ASPH: variants seen among roughly 807,000 people sequenced by gnomAD.
ASPH encodes the protein aspartate beta-hydroxylase, also known as aspartyl/asparaginyl beta-hydroxylase.
Under a neutral mutation model 118.4 loss-of-function variants are expected in ASPH, and 100 were observed. The observed-to-expected ratio is 0.84, with a 90% CI of 0.72 to 1.00. The LOEUF (loss-of-function observed/expected upper bound fraction) is 1.00, where lower values mean the gene tolerates loss of function less well. Among genes scored for constraint, ASPH ranks in the 50% least tolerant of loss-of-function variants. The pLI is 0.00. For missense variants in ASPH, 920 were observed against 919.5 expected (o/e 1.00, Z -0.01); for synonymous variants, 315 against 325.6 (o/e 0.97, Z 0.35).
intron 22 of ASPH, among the ~76,000 whole-genome samples, chr8:61,519,559 C>A (rs1192925536): frequency 3.3e-5 from 5 of 152,166 alleles, no homozygotes; most frequent in African/African-American, 9.7e-5. Flanking sequence ...GTCTTTCATG[C>A]AAGAGGGAAT....
At position 61,714,435 on chromosome 8, in the gene ASPH, C is replaced by T; in HGVS notation, c.-64G>A. 1 of 1,367,760 alleles carries T rather than the reference C, an allele frequency of 7.3e-7. No individual in the cohort carries two copies. The highest frequency in any genetic ancestry group is 9.4e-7 in the Non-Finnish European group (1 of 1,058,778). The allele number at this position is 1,367,760 out of a possible 1,614,324, so 84.7% of individuals were successfully genotyped here. On this transcript the variant is annotated 5_prime_UTR_variant, in exon 1 of 25. Transcript: ENST00000379454. ...CCTTCAGTGCGCGGGGGTACACACG[C>T]GACGCGGGAACCGCTGGCGGCGGCG...
intron 16 of ASPH, 117 bp from the exon 17 acceptor site, chr8:61,567,435 T>C: frequency 9.0e-7 from 1 of 1,114,740 alleles, no homozygotes. Flanking sequence ...TAAGACACGT[T>C]AGCCTTTTCT....
rs570221529 is a variant in ASPH at position 61,576,920 on chromosome 8, T to C, written c.1063-62A>G. On this transcript the variant is annotated intron_variant, in intron 15 of 24. Transcript: ENST00000379454. ...TAAAATGAATAATCAATCAATATTG[T>C]TATTTAATATTCAGCAAGTGGTTTT... 6 of 1,360,870 alleles carry C rather than the reference T, an allele frequency of 4.4e-6. No individual in the cohort carries two copies. The Admixed American group carries it at 7.9e-5, about 18-fold the overall frequency. 84.3% of individuals were successfully genotyped at this position (1,360,870 alleles called of 1,614,324 possible).
At chr8:61,626,420 G>C (rs1852843831) in intron 13 of ASPH, 1 of 1,213,524 alleles carries the variant, frequency 8.2e-7, no homozygotes, top group South Asian at 3.0e-5. Flanking sequence ...AGGACAACTT[G>C]GTAACAGAAT....
At position 61,548,193 on chromosome 8, in the gene ASPH, C is replaced by G. The variant is rs1480992034; in HGVS notation, c.1642G>C (p.Glu548Gln). ...VGNKEAYKWY[E>Q]LGHKRGHFAS... ...AAGTGTCCTCTCTTGTGCCCAAGCT[C>G]ATACCACTTATATGCCTGAAGGAAC... is the stretch of plus-strand genomic sequence containing the variant. The change falls in exon 21 of 25, where the codon GAG becomes CAG. Residue 548 changes from glutamate to glutamine, a missense_variant. Glu to Gln is a conservative substitution (Grantham distance 29). Coordinates refer to ENST00000379454, the MANE Select transcript of ASPH (RefSeq NM_004318.4). 6.2e-7 allele frequency: 1 copy of G among 1,613,708 alleles called. No individual in the cohort carries two copies. The highest frequency in any genetic ancestry group is 1.1e-5 in the South Asian group (1 of 91,046).
chr8:61,622,772 C>T (rs1036805359), intron 13 of ASPH, among the ~76,000 whole-genome samples: 1 of 152,228 alleles, frequency 6.6e-6, no homozygotes, highest in African/African-American at 2.4e-5. Flanking sequence ...ACCTCTCTGA[C>T]CTTGGCTTTG....
intron 18 of ASPH, among the ~76,000 whole-genome samples, chr8:61,561,329 A>G (rs954104636): frequency 3.3e-5 from 5 of 152,224 alleles, no homozygotes; most frequent in Non-Finnish European, 7.3e-5. Flanking sequence ...TAACAAATGC[A>G]ATGTTCCACA....
chr8:61,681,716 A>G (rs1330691187), intron 2 of ASPH, among the ~76,000 whole-genome samples: 1 of 151,840 alleles, frequency 6.6e-6, no homozygotes, highest in African/African-American at 2.4e-5. Flanking sequence ...ATACTAAGAA[A>G]AAAAGGGCTT....
chr8:61,679,482 T>C (rs957442243), intron 3 of ASPH, among the ~76,000 whole-genome samples: 18 of 152,236 alleles, frequency 1.2e-4, no homozygotes, highest in Admixed American at 1.0e-3. Flanking sequence ...TAGAAATCAG[T>C]GTGTTTTATC....
chr8:61,619,988 A>C (rs987575288), intron 13 of ASPH, among the ~76,000 whole-genome samples: 2 of 152,218 alleles, frequency 1.3e-5, no homozygotes, highest in Admixed American at 6.5e-5. Context: ...GGTCAAGTGA[A>C]CATTGACACA....
chr8:61,560,201 G>A (rs1164397706), intron 18 of ASPH, among the ~76,000 whole-genome samples: 2 of 152,084 alleles, frequency 1.3e-5, no homozygotes, highest in African/African-American at 2.4e-5. Context: ...GAGCAGTGGC[G>A]GGTGAGTCAG....
intron 13 of ASPH, 115 bp from the exon 14 acceptor site, chr8:61,619,134 G>T: frequency 1.5e-6 from 1 of 650,160 alleles, no homozygotes; most frequent in Non-Finnish European, 2.5e-6. Flanking sequence ...AAATATATCT[G>T]AGCATACAAT....
chr8:61,643,044 T>A, intron 9 of ASPH, 124 bp from the exon 10 acceptor site: 3 of 859,706 alleles, frequency 3.5e-6, no homozygotes, highest in Non-Finnish European at 5.2e-6. Flanking sequence ...AATATTAATG[T>A]CTGCTCAGTC....
At chr8:61,625,471 A>G in intron 13 of ASPH, 2 of 985,386 alleles carry the variant, frequency 2.0e-6, no homozygotes, top group Non-Finnish European at 2.4e-6. Context: ...AATTTAAACA[A>G]ATGCTGAAGA....
At chr8:61,674,389 GTC>G (rs1447221745) in intron 3 of ASPH, among the ~76,000 whole-genome samples, 1 of 152,196 alleles carries the variant, frequency 6.6e-6, no homozygotes, top group Non-Finnish European at 1.5e-5. Context: ...CTTAACTGAA[GTC>G]CTTGAATATT....
At chr8:61,554,526 C>T (rs976853806) in intron 19 of ASPH, among the ~76,000 whole-genome samples, 2 of 152,174 alleles carry the variant, frequency 1.3e-5, no homozygotes, top group African/African-American at 4.8e-5. Context: ...AATATGGTAG[C>T]TGCTAGCCAC....
intron 1 of ASPH, among the ~76,000 whole-genome samples, chr8:61,707,984 G>A (rs890045635): frequency 1.8e-4 from 27 of 152,194 alleles, no homozygotes; most frequent in African/African-American, 6.0e-4. Context: ...ATGTGTATGT[G>A]CTACATGTTA....
intron 1 of ASPH, among the ~76,000 whole-genome samples, chr8:61,713,791 TC>T (rs1041217817): frequency 2.6e-5 from 4 of 152,158 alleles, no homozygotes; most frequent in Admixed American, 2.0e-4. Flanking sequence ...ACTCCCAACT[TC>T]TTCCCTCCCC....
Position 61,668,339 on chromosome 8 carries a change from G to A in ASPH, c.322+12629C>T. 2.9e-6 allele frequency: 4 copies of A among 1,368,952 alleles called. No individual in the cohort carries two copies. The South Asian group carries it at 5.1e-5, about 17-fold the overall frequency. 84.8% of individuals were successfully genotyped at this position (1,368,952 alleles called of 1,614,324 possible). ...AAAATTTAAGGGAATTCAAAAATAA[G>A]TGTCTATTAAATAGGTAAAATCAAT... On this transcript the variant is annotated intron_variant, in intron 3 of 24. Transcript: ENST00000379454.
Sources: gnomAD v4.1 joint callset for allele counts (sites outside exome capture counted in the v4.1 genomes callset) on GRCh38, gnomAD v4.1.1 for gene constraint, MANE v1.5 for transcripts, NCBI Gene and HGNC (gene_info 2026-07-23, HGNC 2026-07-21) for gene names.